RUNX1: variants seen among roughly 807,000 people sequenced by gnomAD.
RUNX1 encodes the protein runt-related transcription factor 1.
RUNX1 carries 19 observed loss-of-function variants against 42.8 expected under a neutral mutation model. The ratio of observed to expected loss-of-function variants is 0.44; its 90% CI spans 0.31 to 0.65. The LOEUF (loss-of-function observed/expected upper bound fraction) is 0.65. Among genes scored for constraint, RUNX1 ranks in the 30% least tolerant of loss-of-function variants. RUNX1 has a pLI of 0.07. For missense variants in RUNX1, 528 were observed against 672.0 expected, an observed-to-expected ratio of 0.79 and a Z score of 2.37; for synonymous variants, 271 against 289.4, an observed-to-expected ratio of 0.94 and a Z score of 0.64.
intron 2 of RUNX1, among the ~76,000 whole-genome samples, chr21:34,997,024 G>T (rs1286854730): frequency 2.6e-5 from 4 of 152,150 alleles, no homozygotes; most frequent in African/African-American, 7.2e-5. Flanking sequence ...AATTCCCTTA[G>T]CCAAACTGAA....
intron 2 of RUNX1, among the ~76,000 whole-genome samples, chr21:34,988,746 G>C (rs2058911589): frequency 6.6e-6 from 1 of 152,126 alleles, no homozygotes; most frequent in South Asian, 2.1e-4. Flanking sequence ...TATTGGGATG[G>C]TCTCCTCCGG....
chr21:35,041,810 G>A (rs1170354176), intron 2 of RUNX1, among the ~76,000 whole-genome samples: 1 of 151,972 alleles, frequency 6.6e-6, no homozygotes, highest in Non-Finnish European at 1.5e-5. Context: ...TTAAAGCCTA[G>A]ATAGAGGGCA....
At chr21:34,975,053 G>A (rs2058790919) in intron 2 of RUNX1, among the ~76,000 whole-genome samples, 1 of 151,912 alleles carries the variant, frequency 6.6e-6, no homozygotes, top group South Asian at 2.1e-4. Context: ...GAGCCAGCTA[G>A]ATGTGGAAAC....
chr21:34,889,004 T>C (rs1335045382), intron 3 of RUNX1, among the ~76,000 whole-genome samples: 1 of 150,974 alleles, frequency 6.6e-6, no homozygotes, highest in Non-Finnish European at 1.5e-5. Context: ...CTTGTGCGGC[T>C]CCGCGAGTGG....
intron 2 of RUNX1, among the ~76,000 whole-genome samples, chr21:34,947,889 G>C (rs2058576314): frequency 6.6e-6 from 1 of 152,124 alleles, no homozygotes; most frequent in East Asian, 1.9e-4. Flanking sequence ...GAAAGTGACT[G>C]TCATGCTGCG....
chr21:34,890,178 C>G (rs905186135), intron 3 of RUNX1, among the ~76,000 whole-genome samples: 1 of 151,814 alleles, frequency 6.6e-6, no homozygotes, highest in Non-Finnish European at 1.5e-5. Context: ...GCGGAGCTGT[C>G]GGGACGCGCC....
chr21:34,824,362 T>C (rs188919790), intron 7 of RUNX1, among the ~76,000 whole-genome samples: 8 of 152,312 alleles, frequency 5.3e-5, no homozygotes, highest in Admixed American at 4.6e-4. Flanking sequence ...TAGGGTGAGT[T>C]CTATACTATT....
intron 6 of RUNX1, among the ~76,000 whole-genome samples, chr21:34,854,128 A>G (rs902685333): frequency 6.6e-6 from 1 of 152,062 alleles, no homozygotes; most frequent in Non-Finnish European, 1.5e-5. Flanking sequence ...GGTACTTTTC[A>G]TGCATTTCTC....
At chr21:34,948,108 G>C (rs930688999) in intron 2 of RUNX1, among the ~76,000 whole-genome samples, 12 of 150,846 alleles carry the variant, frequency 8.0e-5, no homozygotes, top group Admixed American at 1.3e-4. Flanking sequence ...TTTGGGGGGG[G>C]GTTTCACTTT....
At chr21:34,864,953 A>T (rs1473922822) in intron 5 of RUNX1, among the ~76,000 whole-genome samples, 1 of 152,172 alleles carries the variant, frequency 6.6e-6, no homozygotes, top group Non-Finnish European at 1.5e-5. Flanking sequence ...CTCTCAAGGC[A>T]ACCTACTTAG....
At chr21:34,875,014 T>C (rs1411630847) in intron 5 of RUNX1, among the ~76,000 whole-genome samples, 5 of 152,216 alleles carry the variant, frequency 3.3e-5, no homozygotes, top group African/African-American at 1.2e-4. Context: ...AAGTACAGCT[T>C]CTGCCCATCA....
At chr21:34,958,216 C>T (rs569241937) in intron 2 of RUNX1, among the ~76,000 whole-genome samples, 4 of 152,248 alleles carry the variant, frequency 2.6e-5, no homozygotes, top group East Asian at 1.9e-4. Context: ...ACACTGCCAG[C>T]GCCCAGCTGT....
At chr21:35,008,257 G>A (rs1226424000) in intron 2 of RUNX1, among the ~76,000 whole-genome samples, 2 of 152,166 alleles carry the variant, frequency 1.3e-5, no homozygotes, top group South Asian at 2.1e-4. Flanking sequence ...GTACACATTC[G>A]AGTTGGCCTC....
At chr21:35,019,353 T>C (rs1049522183) in intron 2 of RUNX1, among the ~76,000 whole-genome samples, 9 of 152,210 alleles carry the variant, frequency 5.9e-5, no homozygotes, top group African/African-American at 2.2e-4. Flanking sequence ...TATTACTGCA[T>C]GCCCTGCTTA....
chr21:34,825,022 G>A (rs778176202), intron 7 of RUNX1, among the ~76,000 whole-genome samples: 1 of 152,154 alleles, frequency 6.6e-6, no homozygotes, highest in Non-Finnish European at 1.5e-5. Context: ...TACAGTAAAA[G>A]TTTCTTTTTT....
chr21:34,986,761 C>A (rs1398889077), intron 2 of RUNX1, among the ~76,000 whole-genome samples: 1 of 151,998 alleles, frequency 6.6e-6, no homozygotes, highest in Non-Finnish European at 1.5e-5. Context: ...CTCCTGGAGC[C>A]TTCAGAGGGA....
At chr21:34,906,695 G>A (rs953424968) in intron 2 of RUNX1, among the ~76,000 whole-genome samples, 7 of 152,148 alleles carry the variant, frequency 4.6e-5, no homozygotes, top group Non-Finnish European at 7.3e-5. Context: ...CATTGAATAA[G>A]TTTCATAGAC....
intron 2 of RUNX1, among the ~76,000 whole-genome samples, chr21:34,908,809 C>T (rs964041061): frequency 6.6e-6 from 1 of 152,122 alleles, no homozygotes; most frequent in African/African-American, 2.4e-5. Flanking sequence ...AGCCTTTGAA[C>T]TTCTTTTGCA....
intron 2 of RUNX1, among the ~76,000 whole-genome samples, chr21:34,954,916 C>T (rs572086997): frequency 6.6e-6 from 1 of 152,306 alleles, no homozygotes; most frequent in South Asian, 2.1e-4. Flanking sequence ...TTTGACATTA[C>T]TTCTTGGCAA....
Sources: gnomAD v4.1 joint callset for allele counts (sites outside exome capture counted in the v4.1 genomes callset) on GRCh38, gnomAD v4.1.1 for gene constraint, MANE v1.5 for transcripts, NCBI Gene and HGNC (gene_info 2026-07-23, HGNC 2026-07-21) for gene names.